SMAP1: variants seen among roughly 807,000 people sequenced by gnomAD.
SMAP1 encodes stromal membrane-associated protein 1.
Under a neutral mutation model 58.5 loss-of-function variants are expected in SMAP1, and 24 were observed. The ratio of observed to expected loss-of-function variants is 0.41; its 90% confidence interval spans 0.30 to 0.58. The LOEUF is 0.58. Ranked by LOEUF, SMAP1 falls within the 20% of genes least tolerant of loss-of-function variation. The pLI is 0.29. For missense variants in SMAP1, 563 were observed against 566.3 expected (o/e 0.99, Z 0.06); for synonymous variants, 216 against 196.6 (o/e 1.10, Z -0.82).
chr6:70,673,763 A>T (rs1766363421), intron 1 of SMAP1, among the ~76,000 whole-genome samples: 1 of 152,184 alleles, frequency 6.6e-6, no homozygotes, highest in Non-Finnish European at 1.5e-5. Flanking sequence ...GCTGATCTCG[A>T]GGTTTTTCCT....
At chr6:70,782,596 A>C (rs1434861836) in intron 4 of SMAP1, among the ~76,000 whole-genome samples, 1 of 152,146 alleles carries the variant, frequency 6.6e-6, no homozygotes, top group African/African-American at 2.4e-5. Context: ...CAAGTTCTTT[A>C]GTTTTGGAAC....
At chr6:70,718,934 C>G (rs965700787) in intron 1 of SMAP1, among the ~76,000 whole-genome samples, 1 of 150,764 alleles carries the variant, frequency 6.6e-6, no homozygotes, top group African/African-American at 2.4e-5. Context: ...TGACAAGTAT[C>G]TAATAATTAA....
At chr6:70,815,484 C>CA in intron 6 of SMAP1, among the ~76,000 whole-genome samples, 2 of 152,116 alleles carry the variant, frequency 1.3e-5, no homozygotes, top group East Asian at 3.9e-4. Context: ...CATAATTATG[C>CA]AAAAAACATT....
chr6:70,793,669 AGAG>A, intron 5 of SMAP1, among the ~76,000 whole-genome samples: 1 of 149,312 alleles, frequency 6.7e-6, no homozygotes, highest in Non-Finnish European at 1.5e-5. Context: ...AGAGAGAGAG[AGAG>A]AAAGCTTAAA....
At chr6:70,752,540 AT>A (rs1417704969) in intron 2 of SMAP1, among the ~76,000 whole-genome samples, 1 of 152,168 alleles carries the variant, frequency 6.6e-6, no homozygotes, top group Non-Finnish European at 1.5e-5. Flanking sequence ...TGTAGCTATT[AT>A]GCTATTTTTA....
At chr6:70,761,407 C>G (rs1451834743) in intron 3 of SMAP1, among the ~76,000 whole-genome samples, 1 of 151,898 alleles carries the variant, frequency 6.6e-6, no homozygotes, top group East Asian at 1.9e-4. Flanking sequence ...TATTATTGTT[C>G]TGTTTCTAAT....
chr6:70,763,386 G>A (rs1414182861), intron 3 of SMAP1, among the ~76,000 whole-genome samples: 1 of 152,016 alleles, frequency 6.6e-6, no homozygotes, highest in Non-Finnish European at 1.5e-5. Flanking sequence ...TAACATAAAT[G>A]CATGTTTTTA....
chr6:70,755,921 T>C (rs1766469870), intron 3 of SMAP1, among the ~76,000 whole-genome samples: 1 of 152,102 alleles, frequency 6.6e-6, no homozygotes, highest in Non-Finnish European at 1.5e-5. Flanking sequence ...TAATTTACAC[T>C]ACTGACACTC....
At chr6:70,828,912 G>A (rs890259749) in intron 6 of SMAP1, among the ~76,000 whole-genome samples, 4 of 152,078 alleles carry the variant, frequency 2.6e-5, no homozygotes, top group African/African-American at 4.8e-5. Flanking sequence ...TGGGCATGGC[G>A]GTGCATGCCT....
chr6:70,852,872 ACTGTATGTG>A (rs1205841060), intron 8 of SMAP1, among the ~76,000 whole-genome samples: 2 of 152,244 alleles, frequency 1.3e-5, no homozygotes, highest in Non-Finnish European at 2.9e-5. Flanking sequence ...TGGTTTAGGT[ACTGTATGTG>A]GCTGCTTTCC....
intron 7 of SMAP1, 85 bp downstream of exon 7, chr6:70,837,113 G>A: frequency 1.0e-6 from 1 of 976,618 alleles, no homozygotes; most frequent in East Asian, 3.0e-5. Context: ...GCTTTATCTT[G>A]AGTATGCCAA....
chr6:70,733,045 A>G (rs1765489652), intron 2 of SMAP1, among the ~76,000 whole-genome samples: 1 of 152,196 alleles, frequency 6.6e-6, no homozygotes, highest in African/African-American at 2.4e-5. Flanking sequence ...CATTTTCCCA[A>G]TGTGACAGTC....
chr6:70,854,441 G>C (rs1051294420), intron 8 of SMAP1, among the ~76,000 whole-genome samples: 1 of 152,120 alleles, frequency 6.6e-6, no homozygotes, highest in Non-Finnish European at 1.5e-5. Context: ...GGCCAACATG[G>C]TGAAACCCCA....
At chr6:70,856,277 G>A (rs560837512) in intron 8 of SMAP1, among the ~76,000 whole-genome samples, 2 of 152,226 alleles carry the variant, frequency 1.3e-5, no homozygotes, top group African/African-American at 4.8e-5. Flanking sequence ...TTGCCCCCTT[G>A]TCCAAAAGTG....
chr6:70,688,971 A>G (rs1582002898), intron 1 of SMAP1, among the ~76,000 whole-genome samples: 1 of 152,084 alleles, frequency 6.6e-6, no homozygotes, highest in Non-Finnish European at 1.5e-5. Context: ...GGTATGGATC[A>G]AAGTTTTTTT....
At chr6:70,824,201 C>T (rs912234701) in intron 6 of SMAP1, among the ~76,000 whole-genome samples, 5 of 152,108 alleles carry the variant, frequency 3.3e-5, no homozygotes, top group Admixed American at 1.3e-4. Flanking sequence ...GCTTTTTACT[C>T]GTTAAAACAG....
At chr6:70,745,467 A>G (rs1266957447) in intron 2 of SMAP1, among the ~76,000 whole-genome samples, 1 of 152,180 alleles carries the variant, frequency 6.6e-6, no homozygotes, top group Admixed American at 6.5e-5. Context: ...CAGGTTTATC[A>G]AATATCAGAT....
intron 2 of SMAP1, among the ~76,000 whole-genome samples, chr6:70,739,300 G>A (rs1315755898): frequency 6.6e-6 from 1 of 152,042 alleles, no homozygotes; most frequent in African/African-American, 2.4e-5. Flanking sequence ...TGTGAGTTCT[G>A]CAGAAGAGAA....
In SMAP1 at chr6:70,857,926, A is replaced by G; in HGVS notation, c.966A>G (p.Val322=). 1 of 1,613,826 alleles carries G rather than the reference A, an allele frequency of 6.2e-7. No individual in the cohort carries two copies. Among genetic ancestry groups the G allele is most frequent in the African/African-American group, 1.3e-5 (1 of 75,022 alleles). Residue 322 remains valine (V), a synonymous_variant, in exon 10 of 11, where the codon GTA becomes GTG. Coordinates refer to ENST00000370455, the MANE Select transcript of SMAP1 (RefSeq NM_001044305.3). The part of the protein sequence containing the change: ...GTIQQQSTPG[V]FMGPTNIPFT... ...CATTTTCTTTTTGTGGTGCAGGTGTATTTATGGGACCCACAAATATACCAT... is the reference window on the plus strand; with the variant it reads ...CATTTTCTTTTTGTGGTGCAGGTGTGTTTATGGGACCCACAAATATACCAT...
Sources: allele counts gnomAD v4.1 joint callset (sites outside exome capture counted in the v4.1 genomes callset), GRCh38; gene constraint gnomAD v4.1.1; transcripts MANE v1.5; gene names NCBI Gene and HGNC (gene_info 2026-07-23, HGNC 2026-07-21).